AUTS2: variants seen among roughly 807,000 people sequenced by gnomAD.
AUTS2 encodes the protein autism susceptibility gene 2 protein.
AUTS2 carries 17 observed loss-of-function variants against 112.4 expected under a neutral mutation model. The observed-to-expected ratio is 0.15, with a 90% CI of 0.10 to 0.23. The LOEUF is 0.23. AUTS2 is among the 10% of genes least tolerant of loss of function. AUTS2 has a pLI of 1.00. For synonymous variants in AUTS2, 751 were observed against 702.7 expected (o/e 1.07, Z -1.09); for missense variants, 1,510 against 1,701.6 (o/e 0.89, Z 1.98).
intron 3 of AUTS2, among the ~76,000 whole-genome samples, chr7:70,125,415 G>A (rs969883868): frequency 6.6e-6 from 1 of 152,122 alleles, no homozygotes; most frequent in African/African-American, 2.4e-5. Flanking sequence ...TTCCACTGTA[G>A]ATTGTGGGAA....
intron 2 of AUTS2, among the ~76,000 whole-genome samples, chr7:69,948,170 CTTG>C (rs1269662974): frequency 3.3e-5 from 5 of 152,182 alleles, no homozygotes; most frequent in Non-Finnish European, 5.9e-5. Flanking sequence ...ATCTTTATCC[CTTG>C]AGTAGTCAAG....
intron 5 of AUTS2, among the ~76,000 whole-genome samples, chr7:70,636,587 A>T (rs1307895542): frequency 6.6e-6 from 1 of 152,178 alleles, no homozygotes; most frequent in Admixed American, 6.5e-5. Context: ...AGTGGGAATA[A>T]TCATACATCA....
intron 4 of AUTS2, among the ~76,000 whole-genome samples, chr7:70,195,770 T>C (rs1379370520): frequency 6.6e-6 from 1 of 152,170 alleles, no homozygotes; most frequent in Non-Finnish European, 1.5e-5. Flanking sequence ...GAAATCATCA[T>C]TTTCCTATCG....
intron 5 of AUTS2, among the ~76,000 whole-genome samples, chr7:70,638,822 TGGCTTAAA>T (rs1805658774): frequency 6.6e-6 from 1 of 152,238 alleles, no homozygotes; most frequent in Non-Finnish European, 1.5e-5. Flanking sequence ...TGCATCACAA[TGGCTTAAA>T]TCTCGGTCCA....
intron 6 of AUTS2, among the ~76,000 whole-genome samples, chr7:70,716,163 A>G (rs1026678737): frequency 1.3e-5 from 2 of 152,164 alleles, no homozygotes; most frequent in African/African-American, 4.8e-5. Flanking sequence ...GTGCCAGGGC[A>G]CCTGCTGATT....
At chr7:70,659,221 G>A (rs540174013) in intron 5 of AUTS2, among the ~76,000 whole-genome samples, 3 of 152,310 alleles carry the variant, frequency 2.0e-5, no homozygotes, top group Admixed American at 6.5e-5. Context: ...GAATTCCCGC[G>A]GCCCTTGCAG....
intron 4 of AUTS2, among the ~76,000 whole-genome samples, chr7:70,255,089 T>G (rs1305932557): frequency 2.6e-5 from 4 of 150,998 alleles, no homozygotes; most frequent in Non-Finnish European, 5.9e-5. Context: ...TTTTTTTTTT[T>G]TTTTGACGGA....
intron 1 of AUTS2, among the ~76,000 whole-genome samples, chr7:69,843,092 ACTCTGAGCTGT>A (rs1792051505): frequency 6.6e-6 from 1 of 151,984 alleles, no homozygotes; most frequent in African/African-American, 2.4e-5. Context: ...GTGACAGGTG[ACTCTGAGCTGT>A]CTGGAAGTAA....
chr7:70,288,636 C>T (rs1425284447), intron 4 of AUTS2, among the ~76,000 whole-genome samples: 1 of 151,648 alleles, frequency 6.6e-6, no homozygotes, highest in Non-Finnish European at 1.5e-5. Context: ...CCAAAGGAGA[C>T]AGAAAATGGA....
chr7:70,303,410 A>ATG (rs1789314838), intron 4 of AUTS2, among the ~76,000 whole-genome samples: 1 of 146,848 alleles, frequency 6.8e-6, no homozygotes, highest in Non-Finnish European at 1.5e-5. Context: ...ACATGTGTGC[A>ATG]CGCACACACA....
intron 4 of AUTS2, among the ~76,000 whole-genome samples, chr7:70,226,762 C>G (rs547586370): frequency 6.6e-6 from 1 of 152,170 alleles, no homozygotes; most frequent in African/African-American, 2.4e-5. Context: ...TTAATTTTTG[C>G]AACTATATTG....
chr7:70,380,477 C>T (rs796484773), intron 4 of AUTS2, among the ~76,000 whole-genome samples: 7 of 152,310 alleles, frequency 4.6e-5, no homozygotes, highest in African/African-American at 1.7e-4. Flanking sequence ...TCCCCCTTTC[C>T]GCTGGCAGAG....
At chr7:70,157,172 C>T (rs1303434580) in intron 4 of AUTS2, among the ~76,000 whole-genome samples, 1 of 151,260 alleles carries the variant, frequency 6.6e-6, no homozygotes, top group South Asian at 2.1e-4. Context: ...TTAGTATTTT[C>T]TCTTTTCTGA....
chr7:69,936,153 A>G (rs941701409), intron 2 of AUTS2, among the ~76,000 whole-genome samples: 4 of 152,140 alleles, frequency 2.6e-5, no homozygotes, highest in African/African-American at 7.2e-5. Context: ...CAGTAGATGA[A>G]GTAGTTACTG....
At position 70,784,932 on chromosome 7, in the gene AUTS2, G is replaced by A. The variant is rs1319136748; in HGVS notation, c.2147-10G>A. 1.9e-6 allele frequency: 3 copies of A among 1,613,882 alleles called. No homozygotes were observed. ...TGTAAACTCTGGTTTCGTTATGTTTGACTTAACAGGTGCTGCACACCCAAC... is the reference window on the plus strand; with the variant it reads ...TGTAAACTCTGGTTTCGTTATGTTTAACTTAACAGGTGCTGCACACCCAAC... On this transcript the variant is annotated splice_polypyrimidine_tract_variant and intron_variant, in intron 15 of 18. Coordinates refer to ENST00000342771, the MANE Select transcript of AUTS2 (RefSeq NM_015570.4).
intron 2 of AUTS2, among the ~76,000 whole-genome samples, chr7:70,094,256 G>A (rs541581479): frequency 2.0e-5 from 3 of 152,206 alleles, no homozygotes; most frequent in Non-Finnish European, 4.4e-5. Context: ...TATGCGCCCT[G>A]CATGCTTGTT....
chr7:70,205,728 G>C (rs1469172634), intron 4 of AUTS2, among the ~76,000 whole-genome samples: 1 of 152,140 alleles, frequency 6.6e-6, no homozygotes, highest in Non-Finnish European at 1.5e-5. Context: ...CAGAACGTAT[G>C]CCCATTGTTA....
At chr7:70,789,501 T>C (rs1791732824) in intron 18 of AUTS2, among the ~76,000 whole-genome samples, 1 of 152,106 alleles carries the variant, frequency 6.6e-6, no homozygotes. Context: ...AGATTCTTGC[T>C]CCCAGCAGAC....
intron 2 of AUTS2, among the ~76,000 whole-genome samples, chr7:69,920,634 C>T (rs1342104470): frequency 1.3e-5 from 2 of 152,106 alleles, no homozygotes. Context: ...TATGTTGATT[C>T]TTCTGGCTTT....
Sources: allele counts gnomAD v4.1 joint callset (sites outside exome capture counted in the v4.1 genomes callset), GRCh38; gene constraint gnomAD v4.1.1; transcripts MANE v1.5; gene names NCBI Gene and HGNC (gene_info 2026-07-23, HGNC 2026-07-21).